Variants in GNA14 observed in about 807,000 individuals in gnomAD.
GNA14 encodes G protein subunit alpha 14, also known as guanine nucleotide-binding protein subunit alpha-14.
In GNA14, 50 loss-of-function variants were observed where a neutral mutation model predicts 42.0. The ratio of observed to expected loss-of-function variants is 1.19; its 90% confidence interval spans 0.95 to 1.51. GNA14 has a LOEUF of 1.51. GNA14 is among the 40% of genes most tolerant of loss of function. The pLI is 0.00. For missense variants in GNA14, 473 were observed against 446.2 expected, an observed-to-expected ratio of 1.06 and a Z score of -0.54; for synonymous variants, 173 against 163.1, an observed-to-expected ratio of 1.06 and a Z score of -0.46.
chr9:77,449,626 G>T (rs2131702629), intron 2 of GNA14, among the ~76,000 whole-genome samples: 1 of 152,250 alleles, frequency 6.6e-6, no homozygotes, highest in Middle Eastern at 3.4e-3. Context: ...ACTTTTAAGA[G>T]AAACCAGTGG....
chr9:77,521,753 C>G (rs150450378), intron 2 of GNA14, among the ~76,000 whole-genome samples: 1 of 152,246 alleles, frequency 6.6e-6, no homozygotes, highest in Admixed American at 6.5e-5. Flanking sequence ...CTCAGTAAAT[C>G]AAAATATGTA....
intron 1 of GNA14, among the ~76,000 whole-genome samples, chr9:77,555,637 C>A (rs1424608740): frequency 6.6e-6 from 1 of 152,102 alleles, no homozygotes; most frequent in African/African-American, 2.4e-5. Flanking sequence ...TTTCAACTTT[C>A]CTGCAGGTTT....
At chr9:77,478,472 G>C (rs1039220954) in intron 2 of GNA14, among the ~76,000 whole-genome samples, 9 of 152,098 alleles carry the variant, frequency 5.9e-5, no homozygotes, top group Admixed American at 1.3e-4. Context: ...ATTGTGAATA[G>C]TGCCGCAATA....
intron 1 of GNA14, among the ~76,000 whole-genome samples, chr9:77,615,572 G>C (rs1211385140): frequency 1.3e-5 from 2 of 151,928 alleles, no homozygotes; most frequent in Non-Finnish European, 2.9e-5. Flanking sequence ...GAATGACCAA[G>C]CAGGGTCCAA....
intron 1 of GNA14, among the ~76,000 whole-genome samples, chr9:77,643,700 G>C (rs1025038641): frequency 6.6e-6 from 1 of 152,152 alleles, no homozygotes; most frequent in East Asian, 1.9e-4. Flanking sequence ...GTGTAAGCAG[G>C]AAGAGGAATT....
At chr9:77,512,662 A>G (rs1837189315) in intron 2 of GNA14, among the ~76,000 whole-genome samples, 1 of 152,112 alleles carries the variant, frequency 6.6e-6, no homozygotes, top group Admixed American at 6.6e-5. Context: ...AAACACATCA[A>G]CTTCTTTCTA....
intron 1 of GNA14, among the ~76,000 whole-genome samples, chr9:77,536,437 G>A (rs1252625342): frequency 5.3e-5 from 8 of 152,106 alleles, no homozygotes; most frequent in South Asian, 4.1e-4. Context: ...TGCAACCTCC[G>A]CTTCCCAGGT....
At chr9:77,615,045 G>A (rs897322787) in intron 1 of GNA14, among the ~76,000 whole-genome samples, 32 of 152,206 alleles carry the variant, frequency 2.1e-4, no homozygotes, top group African/African-American at 7.7e-4. Flanking sequence ...ATGTTTGTCA[G>A]TCTTGCTTTT....
intron 1 of GNA14, among the ~76,000 whole-genome samples, chr9:77,629,793 G>A (rs1824067346): frequency 6.6e-6 from 1 of 152,090 alleles, no homozygotes; most frequent in African/African-American, 2.4e-5. Flanking sequence ...ACGGGTTGAT[G>A]GGTGCAGCAA....
intron 1 of GNA14, among the ~76,000 whole-genome samples, chr9:77,560,726 C>T (rs1256936746): frequency 2.0e-5 from 3 of 152,208 alleles, no homozygotes; most frequent in African/African-American, 7.2e-5. Context: ...ATTCAGCTAG[C>T]TTCCTTTCTA....
chr9:77,627,949 A>T (rs1824038475), intron 1 of GNA14, among the ~76,000 whole-genome samples: 1 of 152,208 alleles, frequency 6.6e-6, no homozygotes, highest in Non-Finnish European at 1.5e-5. Flanking sequence ...AGGAAGTCAA[A>T]TTGGCCCTGT....
chr9:77,624,692 A>G (rs1422674524), intron 1 of GNA14, among the ~76,000 whole-genome samples: 5 of 152,182 alleles, frequency 3.3e-5, no homozygotes, highest in Non-Finnish European at 5.9e-5. Context: ...TGACTGTTAG[A>G]AAGAAAACTA....
chr9:77,482,938 T>G (rs963845111), intron 2 of GNA14, among the ~76,000 whole-genome samples: 6 of 152,246 alleles, frequency 3.9e-5, no homozygotes, highest in South Asian at 2.1e-4. Context: ...GCATTGGTTA[T>G]TCTAGTTATC....
chr9:77,426,558 C>T (rs1287165047), intron 5 of GNA14, among the ~76,000 whole-genome samples: 1 of 152,198 alleles, frequency 6.6e-6, no homozygotes, highest in African/African-American at 2.4e-5. Flanking sequence ...CCCGCCTCGG[C>T]CTCCCAAAGT....
intron 2 of GNA14, among the ~76,000 whole-genome samples, chr9:77,511,907 C>G (rs1837176836): frequency 6.6e-6 from 1 of 152,124 alleles, no homozygotes. Flanking sequence ...ACAGATACTC[C>G]CCAAAGGCAG....
At chr9:77,515,618 C>T (rs1837241709) in intron 2 of GNA14, among the ~76,000 whole-genome samples, 1 of 152,094 alleles carries the variant, frequency 6.6e-6, no homozygotes, top group Admixed American at 6.6e-5. Flanking sequence ...TTGCCTTTGT[C>T]TGAGAGCTGG....
rs148275138 is a variant in GNA14, at chr9:77,504,755, C to T, written c.309+24314G>A. ...TGATCTCAGTTCACTGCAACCTCTG[C>T]CTCCTGGGTTCAAGCGATTCTCCTG... is the stretch of plus-strand genomic sequence containing the variant. On this transcript the variant is annotated intron_variant, in intron 2 of 6. Transcript: ENST00000341700. Among the ~76,000 whole-genome samples, 860 of 147,768 alleles carry T rather than the reference C, an allele frequency of 5.8e-3. 11 individuals are homozygous for T. The highest frequency in any genetic ancestry group is 0.021 in the African/African-American group (822 of 39,998).
chr9:77,642,864 A>G (rs1019154819), intron 1 of GNA14, among the ~76,000 whole-genome samples: 2 of 152,112 alleles, frequency 1.3e-5, no homozygotes, highest in African/African-American at 4.8e-5. Context: ...TAAGAACACC[A>G]TTTACTGTCC....
At chr9:77,485,065 G>A (rs929093866) in intron 2 of GNA14, among the ~76,000 whole-genome samples, 47 of 152,238 alleles carry the variant, frequency 3.1e-4, no homozygotes, top group South Asian at 1.2e-3. Context: ...GAAGTTTGCC[G>A]CATTGATTGA....
Sources: gnomAD v4.1 joint callset for allele counts (sites outside exome capture counted in the v4.1 genomes callset) on GRCh38, gnomAD v4.1.1 for gene constraint, MANE v1.5 for transcripts, NCBI Gene and HGNC (gene_info 2026-07-23, HGNC 2026-07-21) for gene names.